Variants in PCDH11Y observed in about 807,000 individuals in gnomAD.
The protein encoded by PCDH11Y is protocadherin-11 Y-linked.
For missense variants in PCDH11Y, 12 were observed against 224.8 expected (o/e 0.05, Z 6.05); for synonymous variants, 9 against 83.6 (o/e 0.11, Z 4.87).
At chrY:5,465,688 C>T in intron 2 of PCDH11Y, among the ~76,000 whole-genome samples, 1 of 32,697 alleles carries the variant, frequency 3.1e-5, no homozygotes, top group Non-Finnish European at 7.6e-5. Flanking sequence ...ACTACACTGG[C>T]CTTGAGTCAA....
intron 2 of PCDH11Y, among the ~76,000 whole-genome samples, chrY:5,335,822 G>T: frequency 3.4e-5 from 1 of 29,490 alleles, no homozygotes; most frequent in South Asian, 7.8e-4. Flanking sequence ...TTTATCAGTA[G>T]TTTTTTACAA....
At chrY:5,107,847 C>G (rs2052793576), downstream of PCDH11Y, among the ~76,000 whole-genome samples, 1 of 32,684 alleles carries the variant, frequency 3.1e-5, no homozygotes, top group African/African-American at 1.2e-4. Context: ...ATCACGAGGT[C>G]AGGAGATCGA....
At chrY:5,506,642 A>T in intron 3 of PCDH11Y, among the ~76,000 whole-genome samples, 1 of 32,487 alleles carries the variant, frequency 3.1e-5, no homozygotes, top group African/African-American at 1.2e-4. Context: ...AGTCCATGGT[A>T]GAAAGGGGGG....
Position 5,403,223 on chromosome Y carries a change from A to G in PCDH11Y, c.3130-97834A>G, listed in dbSNP as rs2124677250. On this transcript the variant is annotated intron_variant, in intron 2 of 4. Transcript: ENST00000400457. ...TAATCACTCTGCAGTTGATCCCGCTATAATTTCTATTTATTTAAGAATTAT... is the reference window on the plus strand; with the variant it reads ...TAATCACTCTGCAGTTGATCCCGCTGTAATTTCTATTTATTTAAGAATTAT... Among the ~76,000 whole-genome samples the G allele has an allele frequency of 2.4e-4, 8 of 32,721 alleles. No homozygotes were observed. In the East Asian group the frequency reaches 6.4e-3, roughly 26 times the overall value. 87.8% of individuals were successfully genotyped at this position (32,721 alleles called of 37,273 possible).
At chrY:5,621,228 G>A (rs2053499678) in intron 4 of PCDH11Y, among the ~76,000 whole-genome samples, 4 of 32,128 alleles carry the variant, frequency 1.2e-4, no homozygotes, top group African/African-American at 4.9e-4. Flanking sequence ...TGCAAAAATC[G>A]CTAGCATCCT....
chrY:5,224,146 AAT>A (rs2052957103), intron 2 of PCDH11Y, among the ~76,000 whole-genome samples: 1 of 27,021 alleles, frequency 3.7e-5, no homozygotes, highest in Non-Finnish European at 8.5e-5. Flanking sequence ...GGTTTAAAAT[AAT>A]AGAGTCAGTA....
At chrY:5,332,473 A>G (rs2124667708) in intron 2 of PCDH11Y, among the ~76,000 whole-genome samples, 1 of 34,190 alleles carries the variant, frequency 2.9e-5, no homozygotes, top group South Asian at 6.3e-4. Context: ...GTGCTATTTG[A>G]TAGTTTGTGA....
chrY:5,046,402 G>T, intron 3 of PCDH11Y, among the ~76,000 whole-genome samples: 1 of 33,401 alleles, frequency 3.0e-5, no homozygotes, highest in South Asian at 6.9e-4. Flanking sequence ...CTGCTGGGGG[G>T]TGCCTCCCAG....
intron 4 of PCDH11Y, among the ~76,000 whole-genome samples, chrY:5,589,464 G>C: frequency 3.0e-5 from 1 of 33,380 alleles, no homozygotes; most frequent in South Asian, 6.8e-4. Flanking sequence ...GTCTTTATCA[G>C]CAGTGTGAGA....
intron 2 of PCDH11Y, among the ~76,000 whole-genome samples, chrY:5,187,397 T>A: frequency 2.5e-4 from 8 of 32,463 alleles, no homozygotes; most frequent in Non-Finnish European, 5.3e-4. Flanking sequence ...AACACACCTG[T>A]GCCTGGATAT....
intron 2 of PCDH11Y, among the ~76,000 whole-genome samples, chrY:5,426,732 G>C: frequency 3.1e-5 from 1 of 32,569 alleles, no homozygotes; most frequent in African/African-American, 1.2e-4. Context: ...AAAAGGTTTT[G>C]ACTAATGTAC....
At chrY:5,037,350 C>T (rs1257715299) in intron 3 of PCDH11Y, 1 of 102,841 alleles carries the variant, frequency 9.7e-6, no homozygotes, top group South Asian at 4.9e-5. Flanking sequence ...GGGTGGATCA[C>T]CTGAGGTCAG....
At chrY:5,244,464 G>C in intron 2 of PCDH11Y, among the ~76,000 whole-genome samples, 1 of 33,216 alleles carries the variant, frequency 3.0e-5, no homozygotes, top group Non-Finnish European at 7.4e-5. Context: ...TCGGCAGCTG[G>C]CGTGGTCCAT....
At chrY:5,003,413 T>TA (rs2052534735) in intron 1 of PCDH11Y, among the ~76,000 whole-genome samples, 18 of 30,245 alleles carry the variant, frequency 6.0e-4, no homozygotes, top group East Asian at 9.1e-4. Context: ...AACGCCTCTT[T>TA]AAAAAAAAAA....
At chrY:5,092,070 TG>T (rs2052742196) in intron 1 of PCDH11Y, among the ~76,000 whole-genome samples, 1 of 33,094 alleles carries the variant, frequency 3.0e-5, no homozygotes, top group African/African-American at 1.2e-4. Flanking sequence ...AATATTTTAA[TG>T]TAAACTTATT....
chrY:5,280,964 GT>G (rs2053053181), intron 2 of PCDH11Y, among the ~76,000 whole-genome samples: 1 of 31,042 alleles, frequency 3.2e-5, no homozygotes, highest in African/African-American at 1.2e-4. Context: ...TGTTTGTGTG[GT>G]TTTTTTTTGT....
chrY:5,323,049 C>G, intron 2 of PCDH11Y, among the ~76,000 whole-genome samples: 3 of 32,637 alleles, frequency 9.2e-5, no homozygotes, highest in Non-Finnish European at 2.2e-4. Context: ...TGAATTTGCT[C>G]ATAATTTTGT....
chrY:5,445,600 G>C (rs1205393345), intron 2 of PCDH11Y, among the ~76,000 whole-genome samples: 781 of 30,013 alleles, frequency 0.026, no homozygotes, highest in Middle Eastern at 0.095. Flanking sequence ...CCTGACTCTT[G>C]TGGTAACTGC....
intron 2 of PCDH11Y, among the ~76,000 whole-genome samples, chrY:5,414,739 T>C: frequency 3.1e-5 from 1 of 32,755 alleles, no homozygotes. Flanking sequence ...CTATTCTTTG[T>C]TTTGTTGCTG....
Sources: allele counts gnomAD v4.1 joint callset (sites outside exome capture counted in the v4.1 genomes callset), GRCh38; gene constraint gnomAD v4.1.1; transcripts MANE v1.5; gene names NCBI Gene and HGNC (gene_info 2026-07-23, HGNC 2026-07-21).